Variants in COX7B2 observed in about 807,000 individuals in gnomAD.
The protein encoded by COX7B2 is cytochrome c oxidase subunit 7B2, mitochondrial.
For missense variants in COX7B2, 109 were observed against 95.9 expected, an observed-to-expected ratio of 1.14 and a Z score of -0.57; for synonymous variants, 37 against 32.1, an observed-to-expected ratio of 1.15 and a Z score of -0.51.
At chr4:46,805,292 G>A (rs936312310) in intron 2 of COX7B2, among the ~76,000 whole-genome samples, 7 of 152,250 alleles carry the variant, frequency 4.6e-5, no homozygotes, top group African/African-American at 1.4e-4. Context: ...TGGGCATCAA[G>A]GCCGAGGAGG....
chr4:46,894,302 C>T (rs534500591), intron 1 of COX7B2, among the ~76,000 whole-genome samples: 1 of 151,732 alleles, frequency 6.6e-6, no homozygotes, highest in Non-Finnish European at 1.5e-5. Flanking sequence ...CAGCATGGTA[C>T]CAGAACAGAA....
At chr4:46,747,162 C>T (rs1249200699) in intron 2 of COX7B2, among the ~76,000 whole-genome samples, 1 of 152,070 alleles carries the variant, frequency 6.6e-6, no homozygotes, top group Non-Finnish European at 1.5e-5. Context: ...AGGTATCAAG[C>T]CTAGTATCCA....
At chr4:46,829,022 G>T (rs1045477728) in intron 2 of COX7B2, among the ~76,000 whole-genome samples, 6 of 152,070 alleles carry the variant, frequency 3.9e-5, no homozygotes, top group African/African-American at 1.4e-4. Context: ...TTTCTCAAAT[G>T]AAGAAAACTA....
chr4:46,806,392 A>G (rs957775322), intron 2 of COX7B2, among the ~76,000 whole-genome samples: 1 of 152,026 alleles, frequency 6.6e-6, no homozygotes, highest in Non-Finnish European at 1.5e-5. Context: ...TGTAATATTC[A>G]TAAGTTTTTT....
intron 1 of COX7B2, among the ~76,000 whole-genome samples, chr4:46,875,065 G>A (rs1434520987): frequency 6.6e-6 from 1 of 152,036 alleles, no homozygotes; most frequent in Non-Finnish European, 1.5e-5. Context: ...AACTTATCTA[G>A]AACAAACATC....
chr4:46,746,659 C>G (rs1462509869), intron 2 of COX7B2, among the ~76,000 whole-genome samples: 1 of 152,164 alleles, frequency 6.6e-6, no homozygotes, highest in Non-Finnish European at 1.5e-5. Context: ...TGATACACTG[C>G]CCCAGAGGAG....
chr4:46,882,866 C>T (rs977349949), intron 1 of COX7B2, among the ~76,000 whole-genome samples: 5 of 152,100 alleles, frequency 3.3e-5, no homozygotes, highest in Admixed American at 6.5e-5. Flanking sequence ...GTCCACCATA[C>T]GTGAATTTAA....
At chr4:46,752,502 T>C (rs935931109) in intron 2 of COX7B2, among the ~76,000 whole-genome samples, 3 of 152,278 alleles carry the variant, frequency 2.0e-5, no homozygotes, top group South Asian at 2.1e-4. Context: ...GTGCCAATTT[T>C]CAAGCAGAGT....
intron 1 of COX7B2, among the ~76,000 whole-genome samples, chr4:46,878,483 TTA>T (rs34882815): frequency 0.25 from 36,526 of 148,944 alleles, 4,570 homozygotes; most frequent in East Asian, 0.29. Flanking sequence ...GTTAGCACTA[TTA>T]TATATATATA....
chr4:46,788,406 C>T (rs1254218387), intron 2 of COX7B2, among the ~76,000 whole-genome samples: 1 of 152,010 alleles, frequency 6.6e-6, no homozygotes, highest in Non-Finnish European at 1.5e-5. Flanking sequence ...TCTTGAAAAG[C>T]CTTATCTTGT....
At chr4:46,800,171 T>C (rs1383036732) in intron 2 of COX7B2, among the ~76,000 whole-genome samples, 1 of 152,010 alleles carries the variant, frequency 6.6e-6, no homozygotes, top group South Asian at 2.1e-4. Context: ...AGAATCAATA[T>C]CATTAAAGTG....
chr4:46,894,785 T>C (rs1273819696), intron 1 of COX7B2, among the ~76,000 whole-genome samples: 2 of 151,862 alleles, frequency 1.3e-5, no homozygotes, highest in East Asian at 3.9e-4. Flanking sequence ...CTTAAACAAA[T>C]GTACAAGCAA....
In COX7B2 at chr4:46,747,749, T is replaced by C. The variant is rs536340818; in HGVS notation, c.-49-12508A>G. 1.8e-4 allele frequency among the ~76,000 whole-genome samples: 28 copies of C among 152,334 alleles called. 1 individual carries two copies. Among genetic ancestry groups the C allele is most frequent in the African/African-American group, 6.0e-4 (25 of 41,586 alleles). On this transcript the variant is annotated intron_variant, in intron 2 of 2. Coordinates refer to ENST00000355591, the MANE Select transcript of COX7B2 (RefSeq NM_130902.3). ...ATGTCAAATTCCTAATGACAGCATA[T>C]ATAATATTGATATTATACTTAAGCA... is the stretch of plus-strand genomic sequence containing the variant.
intron 2 of COX7B2, among the ~76,000 whole-genome samples, chr4:46,751,527 T>C (rs1256674650): frequency 2.0e-5 from 3 of 152,068 alleles, no homozygotes; most frequent in African/African-American, 7.2e-5. Flanking sequence ...ATTGAAATAG[T>C]GGAGATAAAT....
chr4:46,904,628 T>C (rs1298038359), intron 1 of COX7B2, among the ~76,000 whole-genome samples: 1 of 152,188 alleles, frequency 6.6e-6, no homozygotes, highest in Non-Finnish European at 1.5e-5. Context: ...AGAAATTTGG[T>C]AATACACAAA....
In COX7B2 at chr4:46,764,474, C is replaced by T. The variant is rs181337206; in HGVS notation, c.-49-29233G>A. Among the ~76,000 whole-genome samples, 674 of 151,782 alleles carry T rather than the reference C, an allele frequency of 4.4e-3. 4 individuals carry two copies. The highest frequency in any genetic ancestry group is 0.01 in the Middle Eastern group (3 of 294). ...AGGAGAACTGCTTTAGCCTGGGAGG[C>T]GGAGGTTGCAGTGAGCCGAGATCAG... is the stretch of plus-strand genomic sequence containing the variant. On this transcript the variant is annotated intron_variant, in intron 2 of 2. Transcript: ENST00000355591.
chr4:46,805,839 A>G (rs1718970273), intron 2 of COX7B2, among the ~76,000 whole-genome samples: 1 of 152,194 alleles, frequency 6.6e-6, no homozygotes, highest in Non-Finnish European at 1.5e-5. Flanking sequence ...ATCCATAGAC[A>G]TCTCTATGTA....
chr4:46,844,862 A>G (rs1235853024), intron 2 of COX7B2, 98 bp downstream of exon 2: 1 of 151,958 alleles, frequency 6.6e-6, no homozygotes, highest in East Asian at 1.9e-4. Context: ...ATTCAGTGTG[A>G]ATTTTATTTT....
At chr4:46,858,202 T>C (rs932517027) in intron 1 of COX7B2, among the ~76,000 whole-genome samples, 1 of 152,088 alleles carries the variant, frequency 6.6e-6, no homozygotes, top group Non-Finnish European at 1.5e-5. Flanking sequence ...CAAGAGATTC[T>C]CCCACCTCAG....
Sources: allele counts gnomAD v4.1 joint callset (sites outside exome capture counted in the v4.1 genomes callset), GRCh38; gene constraint gnomAD v4.1.1; transcripts MANE v1.5; gene names NCBI Gene and HGNC (gene_info 2026-07-23, HGNC 2026-07-21).